ZBBX: variants seen among roughly 807,000 people sequenced by gnomAD.
ZBBX encodes zinc finger B-box domain-containing protein 1.
ZBBX carries 101 observed loss-of-function variants against 108.5 expected under a neutral mutation model. The ratio of observed to expected loss-of-function variants is 0.93; its 90% CI spans 0.79 to 1.10. ZBBX has a LOEUF of 1.10. ZBBX is among the 50% of genes least tolerant of loss of function. The pLI is 0.00. For synonymous variants in ZBBX, 356 were observed against 323.4 expected (o/e 1.10, Z -1.08); for missense variants, 1,009 against 941.4 (o/e 1.07, Z -0.94).
chr3:167,360,445 C>T (rs1196269460), intron 7 of ZBBX, among the ~76,000 whole-genome samples: 1 of 151,648 alleles, frequency 6.6e-6, no homozygotes, highest in Non-Finnish European at 1.5e-5. Flanking sequence ...AAAGTCCTCA[C>T]TTTTGAAAAA....
the ZBBX span, among the ~76,000 whole-genome samples, chr3:167,180,156 A>G: frequency 6.6e-6 from 1 of 152,216 alleles, no homozygotes; most frequent in African/African-American, 2.4e-5. Flanking sequence ...GCAAATCTAG[A>G]GTCTTCTCTG....
At chr3:167,203,687 A>G in the ZBBX span, among the ~76,000 whole-genome samples, 2 of 152,170 alleles carry the variant, frequency 1.3e-5, no homozygotes, top group Admixed American at 1.3e-4. Flanking sequence ...GAAATTCTAC[A>G]ATAACCTATC....
At chr3:167,340,100 AC>A (rs1258697923) in intron 9 of ZBBX, among the ~76,000 whole-genome samples, 4 of 152,082 alleles carry the variant, frequency 2.6e-5, no homozygotes, top group African/African-American at 9.7e-5. Context: ...ATCCAAAGAA[AC>A]CTGTACAGAT....
rs1051884452 is a variant in ZBBX at position 167,240,622 on chromosome 3, G to C, written c.*171C>G. 2 of 616,790 alleles carry C rather than the reference G, an allele frequency of 3.2e-6. No homozygotes were observed. The highest frequency in any genetic ancestry group is 3.7e-5 in the African/African-American group (2 of 53,408). The allele number at this position is 616,790 out of a possible 1,614,324, so 38.2% of individuals were successfully genotyped here. A position where few individuals can be genotyped will look rare whatever the true frequency, so the allele number is the denominator to read the frequency against. On this transcript the variant is annotated 3_prime_UTR_variant, in exon 22 of 22. Coordinates refer to ENST00000675490, the MANE Select transcript of ZBBX (RefSeq NM_001199201.2). ...GTTGACATATAATATATCATTGGAA[G>C]AATAAGCCCTTGAACTTATAATTTT...
rs1330978851 is a variant in ZBBX at position 167,305,964 on chromosome 3, A to C, written c.1418-14T>G. 6.7e-7 allele frequency: 1 copy of C among 1,492,108 alleles called. No homozygotes were observed. The highest frequency in any genetic ancestry group is 8.9e-7 in the Non-Finnish European group (1 of 1,120,194). 92.4% of individuals were successfully genotyped at this position (1,492,108 alleles called of 1,614,324 possible). A position where few individuals can be genotyped will look rare whatever the true frequency, so the allele number is the denominator to read the frequency against. On this transcript the variant is annotated splice_polypyrimidine_tract_variant and intron_variant, in intron 16 of 21. Coordinates refer to ENST00000675490, the MANE Select transcript of ZBBX (RefSeq NM_001199201.2). ...TTGAAGTTTCTGCTGTTAAAAACAC[A>C]CAGTTACAAAAGGTACATAAATAAA...
At chr3:167,325,476 G>A (rs1175864170) in intron 11 of ZBBX, among the ~76,000 whole-genome samples, 4 of 152,154 alleles carry the variant, frequency 2.6e-5, no homozygotes, top group East Asian at 3.9e-4. Context: ...ATTACCTCTC[G>A]CCGGGGCCCT....
At chr3:167,331,975 G>A (rs1738709351) in intron 10 of ZBBX, among the ~76,000 whole-genome samples, 1 of 152,126 alleles carries the variant, frequency 6.6e-6, no homozygotes, top group Non-Finnish European at 1.5e-5. Context: ...AAGGCCATAA[G>A]AGAAGCATCA....
At chr3:167,279,952 C>A (rs1311644341) in intron 20 of ZBBX, among the ~76,000 whole-genome samples, 1 of 151,840 alleles carries the variant, frequency 6.6e-6, no homozygotes, top group East Asian at 2.0e-4. Flanking sequence ...CGCATATCTA[C>A]AGCTATCTGA....
At position 167,276,012 on chromosome 3, in the gene ZBBX, G is replaced by A. The variant is rs200685351; in HGVS notation, c.2254+6226C>T. ...CCTAACTGGGAGGCACCCCCCAGCA[G>A]GGGCAGACTGACACCTCACACGGCC... On this transcript the variant is annotated intron_variant, in intron 20 of 21. Coordinates refer to ENST00000675490, the MANE Select transcript of ZBBX (RefSeq NM_001199201.2). Among the ~76,000 whole-genome samples, 67 of 152,272 alleles carry A rather than the reference G, an allele frequency of 4.4e-4. No individual in the cohort carries two copies. In the East Asian group the frequency reaches 0.01, roughly 23 times the overall value.
chr3:167,224,170 C>T, the ZBBX span, among the ~76,000 whole-genome samples: 26 of 152,068 alleles, frequency 1.7e-4, no homozygotes, highest in Non-Finnish European at 3.1e-4. Context: ...CCAGCCATCA[C>T]ATTCTAATAC....
chr3:167,331,276 G>A (rs934075755), intron 10 of ZBBX, among the ~76,000 whole-genome samples: 1 of 152,040 alleles, frequency 6.6e-6, no homozygotes. Flanking sequence ...TAGGTAGGGC[G>A]CCTCCAACAA....
At chr3:167,397,491 T>C (rs1748284507) in intron 1 of ZBBX, among the ~76,000 whole-genome samples, 1 of 151,976 alleles carries the variant, frequency 6.6e-6, no homozygotes, top group African/African-American at 2.4e-5. Context: ...CTTTATCTTC[T>C]TCGAAAGATT....
chr3:167,384,536 G>A (rs1554567), upstream of ZBBX, among the ~76,000 whole-genome samples: 61,114 of 151,722 alleles, frequency 0.4, 12,451 homozygotes, highest in African/African-American at 0.42. Flanking sequence ...ACAAAAATAT[G>A]ACATAGCTCT....
intron 1 of ZBBX, among the ~76,000 whole-genome samples, chr3:167,386,827 C>A: frequency 6.6e-6 from 1 of 152,008 alleles, no homozygotes; most frequent in Admixed American, 6.6e-5. Flanking sequence ...GGAAAATTTG[C>A]ATTTTTCTCT....
chr3:167,294,666 A>C (rs1731309371), intron 18 of ZBBX, among the ~76,000 whole-genome samples: 2 of 152,206 alleles, frequency 1.3e-5, no homozygotes, highest in Non-Finnish European at 2.9e-5. Flanking sequence ...CACGAAAAGC[A>C]ATGGCAACAA....
At chr3:167,376,337 T>G (rs1746949806) in intron 2 of ZBBX, among the ~76,000 whole-genome samples, 1 of 152,196 alleles carries the variant, frequency 6.6e-6, no homozygotes, top group Non-Finnish European at 1.5e-5. Context: ...TCCTGCTCCA[T>G]AACATGGAAT....
chr3:167,283,709 G>A (rs578198166), intron 19 of ZBBX, among the ~76,000 whole-genome samples: 9 of 152,060 alleles, frequency 5.9e-5, no homozygotes, highest in Admixed American at 3.3e-4. Flanking sequence ...GCAGTGGCAC[G>A]ATCTCGGCTC....
chr3:167,311,089 G>A (rs1204313926), intron 16 of ZBBX, among the ~76,000 whole-genome samples: 4 of 152,066 alleles, frequency 2.6e-5, no homozygotes, highest in East Asian at 1.9e-4. Context: ...AGAGTGTGTG[G>A]TATTGGAATA....
At chr3:167,225,129 A>G in the ZBBX span, among the ~76,000 whole-genome samples, 7 of 151,978 alleles carry the variant, frequency 4.6e-5, no homozygotes, top group African/African-American at 1.7e-4. Context: ...GAAACTGTGG[A>G]ATTTCATAAA....
Sources: gnomAD v4.1 joint callset for allele counts (sites outside exome capture counted in the v4.1 genomes callset) on GRCh38, gnomAD v4.1.1 for gene constraint, MANE v1.5 for transcripts, NCBI Gene and HGNC (gene_info 2026-07-23, HGNC 2026-07-21) for gene names.